The following ACADM variants were observed in gnomAD, a reference collection of about 807,000 sequenced individuals.
ACADM encodes medium-chain specific acyl-CoA dehydrogenase, mitochondrial.
Under a neutral mutation model 58.9 loss-of-function variants are expected in ACADM, and 49 were observed. The ratio of observed to expected loss-of-function variants is 0.83; its 90% CI spans 0.66 to 1.06. The LOEUF is 1.06. Among genes scored for constraint, ACADM ranks in the 50% least tolerant of loss-of-function variants. The pLI, the probability that ACADM is intolerant of heterozygous loss-of-function variation, is 0.00. For synonymous variants in ACADM, 160 were observed against 157.7 expected (o/e 1.01, Z -0.11); for missense variants, 496 against 507.0 (o/e 0.98, Z 0.21).
intron 1 of ACADM, among the ~76,000 whole-genome samples, chr1:75,727,752 T>C (rs116314965): frequency 8.3e-4 from 126 of 152,334 alleles, no homozygotes; most frequent in African/African-American, 2.9e-3. Context: ...AGATGGTCTC[T>C]GTGGTAACTA....
chr1:75,743,650 A>G, intron 7 of ACADM: 1 of 1,498,140 alleles, frequency 6.7e-7, no homozygotes, highest in Non-Finnish European at 9.3e-7. Flanking sequence ...TGAGCCAAAA[A>G]CACCTCCATT....
intron 7 of ACADM, among the ~76,000 whole-genome samples, chr1:75,742,411 T>C (rs1373206873): frequency 1.3e-5 from 2 of 152,144 alleles, no homozygotes; most frequent in Non-Finnish European, 2.9e-5. Flanking sequence ...TCCAAATCTG[T>C]GTCCTGCAGA....
At chr1:75,762,143 A>G (rs930121160) in intron 11 of ACADM, among the ~76,000 whole-genome samples, 3 of 152,184 alleles carry the variant, frequency 2.0e-5, no homozygotes, top group African/African-American at 7.2e-5. Flanking sequence ...AATTATTACT[A>G]TTATTATCAT....
At position 75,762,736 on chromosome 1, in the gene ACADM, TGAA is replaced by T; in HGVS notation, c.1240_1242del (p.Glu414del). ...AAATTCAAAGACTTATTGTAGCCCG[TGAA>T]CACATTGACAAGTACAAAAATTAAA... On this transcript the variant is annotated inframe_deletion, in exon 12 of 12. Coordinates refer to ENST00000370841, the MANE Select transcript of ACADM (RefSeq NM_000016.6). 6.2e-7 allele frequency: 1 copy of T among 1,606,984 alleles called. No homozygotes were observed. The highest frequency in any genetic ancestry group is 8.5e-7 in the Non-Finnish European group (1 of 1,174,046).
rs780737237 is a variant in ACADM, at chr1:75,749,561, T to C, written c.849+2T>C. Reference sequence around the variant, plus strand: ...GCTTTTGATAAAACCAGACCTGTAGTAAGTAATATGGGTTCATAATCTTTA... The same window carrying C: ...GCTTTTGATAAAACCAGACCTGTAGCAAGTAATATGGGTTCATAATCTTTA... On this transcript the variant is annotated splice_donor_variant, in intron 9 of 11. Transcript: ENST00000370841. LOFTEE classifies it high-confidence loss of function. The C allele has an allele frequency of 6.2e-7, 1 of 1,613,178 alleles. No homozygotes were observed. Among genetic ancestry groups the C allele is most frequent in the Non-Finnish European group, 8.5e-7 (1 of 1,179,158 alleles).
chr1:75,726,907 C>T (rs1293916599), intron 1 of ACADM, among the ~76,000 whole-genome samples: 1 of 149,710 alleles, frequency 6.7e-6, no homozygotes, highest in African/African-American at 2.5e-5. Context: ...CGGGTTCAAG[C>T]GATTCTCCTG....
chr1:75,724,924 G>A, intron 1 of ACADM, 107 bp downstream of exon 1: 1 of 1,218,980 alleles, frequency 8.2e-7, no homozygotes, highest in Middle Eastern at 2.6e-4. Context: ...GTGGGAAGTC[G>A]GGCTGAGGAA....
intron 7 of ACADM, chr1:75,744,212 G>T (rs1414434975): frequency 1.3e-6 from 2 of 1,573,926 alleles, no homozygotes; most frequent in African/African-American, 1.3e-5. Flanking sequence ...TTGTGAGGGC[G>T]AGGGCACTGG....
At chr1:75,733,424 T>C in intron 4 of ACADM, 104 bp from the exon 5 acceptor site, 1 of 1,214,852 alleles carries the variant, frequency 8.2e-7, no homozygotes, top group South Asian at 1.3e-5. Flanking sequence ...AATTTCCTTT[T>C]AAAACAAATT....
intron 7 of ACADM, among the ~76,000 whole-genome samples, chr1:75,740,917 T>A (rs924059543): frequency 6.6e-6 from 1 of 152,226 alleles, no homozygotes; most frequent in Non-Finnish European, 1.5e-5. Flanking sequence ...GCCTTGGTTA[T>A]TTTGGAAGAA....
intron 6 of ACADM, among the ~76,000 whole-genome samples, chr1:75,738,219 T>A (rs1647377159): frequency 7.3e-6 from 1 of 136,876 alleles, no homozygotes; most frequent in Non-Finnish European, 1.6e-5. Flanking sequence ...CCCAGCCAAG[T>A]ATTGTTATTA....
At chr1:75,730,097 G>A (rs1028215454) in intron 2 of ACADM, among the ~76,000 whole-genome samples, 2 of 152,068 alleles carry the variant, frequency 1.3e-5, no homozygotes, top group African/African-American at 4.8e-5. Flanking sequence ...GTTTCGCCAT[G>A]TTGGCAACGC....
chr1:75,737,397 G>GA lies in ACADM; in HGVS notation c.468+2533dup, dbSNP rs1449748644. 7.6e-5 allele frequency among the ~76,000 whole-genome samples: 11 copies of GA among 144,320 alleles called. No homozygotes were observed. In the Admixed American group the frequency reaches 7.8e-4, roughly 10 times the overall value. The allele number at this position is 144,320 out of a possible 152,430, so 94.7% of individuals were successfully genotyped here. On this transcript the variant is annotated intron_variant, in intron 6 of 11. Coordinates refer to ENST00000370841, the MANE Select transcript of ACADM (RefSeq NM_000016.6). ...CAGTAGTGACAAGCCATTTTGTATAGAAAAAAACAGGCTCATTTACTTCAC... is the reference window on the plus strand; with the variant it reads ...CAGTAGTGACAAGCCATTTTGTATAGAAAAAAAACAGGCTCATTTACTTCAC...
intron 10 of ACADM, chr1:75,754,922 T>A (rs1338065914): frequency 6.6e-6 from 1 of 152,394 alleles, no homozygotes; most frequent in Admixed American, 6.5e-5. Flanking sequence ...AATACTGCGC[T>A]TTTCCAACAG....
At chr1:75,753,526 A>G (rs999556267) in intron 10 of ACADM, among the ~76,000 whole-genome samples, 2 of 151,662 alleles carry the variant, frequency 1.3e-5, no homozygotes, top group African/African-American at 2.4e-5. Context: ...ACAAATTTCA[A>G]CCTAATGCTT....
In ACADM at chr1:75,724,798, G is replaced by T. The variant is rs201646499; in HGVS notation, c.11G>T (p.Gly4Val). 8 of 1,521,966 alleles carry T rather than the reference G, an allele frequency of 5.3e-6. No individual in the cohort carries two copies. The Admixed American group carries it at 1.6e-4, about 31-fold the overall frequency. 94.3% of individuals were successfully genotyped at this position (1,521,966 alleles called of 1,614,324 possible). A position where few individuals can be genotyped will look rare whatever the true frequency, so the allele number is the denominator to read the frequency against. Residue 4 changes from glycine to valine, a missense_variant, in exon 1 of 12, where the codon GGG (glycine) becomes GTG (valine). Physicochemically the swap from Gly to Val is moderately radical, Grantham distance 109 (BLOSUM62 -3). Transcript: ENST00000370841. MAAGFGRCCRVLRS... is the reference protein window; with the variant it reads MAAVFGRCCRVLRS... ...GGAACGGGAGCCAACATGGCAGCGG[G>T]GTTCGGGCGATGCTGCAGGGTGAGA... is the stretch of plus-strand genomic sequence containing the variant.
At chr1:75,759,138 G>A (rs577789674) in intron 10 of ACADM, among the ~76,000 whole-genome samples, 18 of 152,208 alleles carry the variant, frequency 1.2e-4, no homozygotes, top group Non-Finnish European at 1.6e-4. Context: ...CTGTAACACC[G>A]CGAAGGTCTG....
intron 2 of ACADM, among the ~76,000 whole-genome samples, chr1:75,731,391 T>A (rs1055964798): frequency 1.8e-4 from 28 of 152,170 alleles, no homozygotes; most frequent in Non-Finnish European, 3.7e-4. Context: ...ATGATTACTG[T>A]AGTCTTAAAC....
intron 10 of ACADM, among the ~76,000 whole-genome samples, chr1:75,754,776 G>A (rs1049529377): frequency 7.6e-4 from 115 of 152,208 alleles, no homozygotes; most frequent in African/African-American, 2.6e-3. Flanking sequence ...TACAGTGGGC[G>A]CAGCCCACAG....
Sources: allele counts gnomAD v4.1 joint callset (sites outside exome capture counted in the v4.1 genomes callset), GRCh38; gene constraint gnomAD v4.1.1; transcripts MANE v1.5; gene names NCBI Gene and HGNC (gene_info 2026-07-23, HGNC 2026-07-21).